The following PIK3C2G variants were observed in gnomAD, a reference collection of about 807,000 sequenced individuals.
PIK3C2G encodes phosphatidylinositol 3-kinase C2 domain-containing subunit gamma.
In PIK3C2G, 168 loss-of-function variants were observed where a neutral mutation model predicts 181.1. The observed-to-expected ratio is 0.93, with a 90% CI of 0.82 to 1.05. The LOEUF is 1.05. Among genes scored for constraint, PIK3C2G ranks in the 50% least tolerant of loss-of-function variants. PIK3C2G has a pLI of 0.00. For missense variants in PIK3C2G, 1,869 were observed against 1,732.8 expected, an observed-to-expected ratio of 1.08 and a Z score of -1.40; for synonymous variants, 573 against 592.2, an observed-to-expected ratio of 0.97 and a Z score of 0.47.
chr12:18,396,960 A>G (rs952866526), intron 15 of PIK3C2G, among the ~76,000 whole-genome samples: 7 of 151,856 alleles, frequency 4.6e-5, no homozygotes, highest in Non-Finnish European at 7.4e-5. Context: ...AGCCTAGAAT[A>G]GTCAAAGCAA....
At chr12:18,548,486 C>G (rs1944554897) in intron 26 of PIK3C2G, among the ~76,000 whole-genome samples, 1 of 152,012 alleles carries the variant, frequency 6.6e-6, no homozygotes, top group Non-Finnish European at 1.5e-5. Context: ...TATCCCTCTA[C>G]TTCATGCAAC....
At chr12:18,537,969 C>T (rs962906788) in intron 24 of PIK3C2G, among the ~76,000 whole-genome samples, 187 bp from the exon 25 acceptor site, 1 of 151,794 alleles carries the variant, frequency 6.6e-6, no homozygotes. Flanking sequence ...CTCTCTATTG[C>T]AGCATGGTTA....
chr12:18,492,740 AG>A (rs1358096088), intron 20 of PIK3C2G, among the ~76,000 whole-genome samples: 1 of 151,954 alleles, frequency 6.6e-6, no homozygotes, highest in Non-Finnish European at 1.5e-5. Context: ...AAAGGAGAAG[AG>A]TGTTTTTGTT....
chr12:18,618,599 C>T lies in PIK3C2G; in HGVS notation c.4182+8970C>T, dbSNP rs187831487. Among the ~76,000 whole-genome samples the T allele has an allele frequency of 2.4e-3, 369 of 152,056 alleles. 1 individual carries two copies. The highest frequency in any genetic ancestry group is 7.9e-3 in the African/African-American group (329 of 41,486). ...TGCTTATATAATACCCAGGAAAATA[C>T]GAACAATCCTCAGTTGAAAAGACAA... On this transcript the variant is annotated intron_variant, in intron 31 of 32. Transcript: ENST00000538779.
At chr12:18,575,228 T>A (rs891960526) in intron 29 of PIK3C2G, among the ~76,000 whole-genome samples, 10 of 152,284 alleles carry the variant, frequency 6.6e-5, no homozygotes, top group Admixed American at 3.3e-4. Flanking sequence ...TCTCAAATTA[T>A]AGTTCCTATA....
chr12:18,335,607 T>C (rs2137572571), intron 8 of PIK3C2G, among the ~76,000 whole-genome samples: 1 of 152,198 alleles, frequency 6.6e-6, no homozygotes, highest in East Asian at 1.9e-4. Flanking sequence ...CTACCAGAAA[T>C]ATTTGTCTGT....
intron 5 of PIK3C2G, among the ~76,000 whole-genome samples, chr12:18,296,284 G>A (rs1949937634): frequency 6.6e-6 from 1 of 152,074 alleles, no homozygotes; most frequent in African/African-American, 2.4e-5. Context: ...TTAACACCGT[G>A]TTCTCAAACT....
At chr12:18,668,318 C>T in the PIK3C2G span, among the ~76,000 whole-genome samples, 87,066 of 152,036 alleles carry the variant, frequency 0.57, 25,204 homozygotes, top group South Asian at 0.67. Context: ...TTTGGAAAGT[C>T]AGAGAAACTA....
intron 16 of PIK3C2G, among the ~76,000 whole-genome samples, chr12:18,411,274 T>TA (rs1176345144): frequency 6.6e-6 from 1 of 152,202 alleles, no homozygotes. Context: ...GTAGAAAGCC[T>TA]AATGGCCTAG....
the PIK3C2G span, chr12:18,705,324 G>A: frequency 6.8e-6 from 11 of 1,613,922 alleles, no homozygotes; most frequent in Middle Eastern, 1.7e-4. Flanking sequence ...GTCTAAAAAA[G>A]TAACCATTAC....
At chr12:18,525,629 C>CATCAATGTGA (rs1284642030) in intron 24 of PIK3C2G, among the ~76,000 whole-genome samples, 1 of 152,118 alleles carries the variant, frequency 6.6e-6, no homozygotes, top group Non-Finnish European at 1.5e-5. Context: ...CTTCTCAATT[C>CATCAATGTGA]TGTATTTAAT....
chr12:18,541,826 A>C (rs1036336178), intron 25 of PIK3C2G, among the ~76,000 whole-genome samples: 2 of 151,886 alleles, frequency 1.3e-5, no homozygotes, highest in Non-Finnish European at 2.9e-5. Flanking sequence ...AGCTAAGTGT[A>C]CCCGGCTAAG....
chr12:18,449,934 C>G (rs896273447), intron 18 of PIK3C2G, among the ~76,000 whole-genome samples: 1 of 152,146 alleles, frequency 6.6e-6, no homozygotes, highest in Non-Finnish European at 1.5e-5. Context: ...TCCACATCCT[C>G]GACAGCATCT....
chr12:18,496,828 G>T (rs1941053098), intron 21 of PIK3C2G, among the ~76,000 whole-genome samples: 1 of 152,090 alleles, frequency 6.6e-6, no homozygotes, highest in African/African-American at 2.4e-5. Context: ...AATGAGTAGT[G>T]TGCCCAGACT....
intron 20 of PIK3C2G, 89 bp from the exon 21 acceptor site, chr12:18,495,973 G>T (rs898842791): frequency 3.3e-6 from 2 of 611,316 alleles, no homozygotes; most frequent in Non-Finnish European, 5.6e-6. Flanking sequence ...GTCTGCAAGG[G>T]GCTATGATTT....
At chr12:18,411,903 C>G (rs1336155774) in intron 16 of PIK3C2G, among the ~76,000 whole-genome samples, 2 of 151,910 alleles carry the variant, frequency 1.3e-5, no homozygotes, top group Admixed American at 6.6e-5. Context: ...TTTCCCTATA[C>G]CCTTTTCAAA....
At chr12:18,443,353 C>T (rs11044120) in intron 18 of PIK3C2G, among the ~76,000 whole-genome samples, 38,936 of 151,984 alleles carry the variant, frequency 0.26, 5,463 homozygotes, top group Admixed American at 0.36. Flanking sequence ...TAATTTTTCA[C>T]AAGTAATAAA....
rs529774340 is a variant in PIK3C2G, at chr12:18,476,513, C to A, written c.2505-11936C>A. On this transcript the variant is annotated intron_variant, in intron 18 of 32. Coordinates refer to ENST00000538779, the MANE Select transcript of PIK3C2G (RefSeq NM_001288772.2). ...GACTAAGTAAAAAAGGAAGAGAGGG[C>A]GGGAAAAAATTCACAGGTAATGGGA... Among the ~76,000 whole-genome samples the A allele has an allele frequency of 2.6e-5, 4 of 151,878 alleles. No homozygotes were observed. The East Asian group carries it at 7.8e-4, about 29-fold the overall frequency.
chr12:18,291,063 C>A, intron 4 of PIK3C2G, 51 bp downstream of exon 4: 2 of 1,085,398 alleles, frequency 1.8e-6, no homozygotes, highest in Non-Finnish European at 2.7e-6. Flanking sequence ...CTGGTATTGG[C>A]GACGTAGCCT....
Sources: allele counts gnomAD v4.1 joint callset (sites outside exome capture counted in the v4.1 genomes callset), GRCh38; gene constraint gnomAD v4.1.1; transcripts MANE v1.5; gene names NCBI Gene and HGNC (gene_info 2026-07-23, HGNC 2026-07-21).